Variants in MAGI2 observed in about 807,000 individuals in gnomAD.
MAGI2 encodes membrane associated guanylate kinase, WW and PDZ domain containing 2, also known as membrane-associated guanylate kinase, WW and PDZ domain-containing protein 2.
A neutral mutation model predicts 133.3 loss-of-function variants in MAGI2; 35 were observed. That is an observed-to-expected ratio of 0.26 (90% CI 0.20 to 0.35). MAGI2 has a LOEUF of 0.35. Among genes scored for constraint, MAGI2 ranks in the 10% least tolerant of loss-of-function variants. The probability of loss-of-function intolerance (pLI) is 1.00; values close to 1 mark genes in which losing one functional copy is unlikely to be tolerated. For synonymous variants in MAGI2, 729 were observed against 710.6 expected, an observed-to-expected ratio of 1.03 and a Z score of -0.41; for missense variants, 1,636 against 1,863.4, an observed-to-expected ratio of 0.88 and a Z score of 2.25.
chr7:79,095,048 G>A (rs796989359), intron 1 of MAGI2, among the ~76,000 whole-genome samples: 7 of 152,136 alleles, frequency 4.6e-5, no homozygotes, highest in Non-Finnish European at 1.0e-4. Flanking sequence ...CTCTAGATAG[G>A]AAAGTCCTAG....
At chr7:78,310,361 G>A (rs1798600376) in intron 9 of MAGI2, among the ~76,000 whole-genome samples, 1 of 152,178 alleles carries the variant, frequency 6.6e-6, no homozygotes, top group Non-Finnish European at 1.5e-5. Flanking sequence ...CTTGAACCCG[G>A]CAGGCGGGGG....
chr7:78,628,542 A>C (rs1042558695), intron 2 of MAGI2, among the ~76,000 whole-genome samples: 4 of 152,074 alleles, frequency 2.6e-5, no homozygotes, highest in Non-Finnish European at 5.9e-5. Context: ...TGCCAGGGAA[A>C]TTTGATTTTG....
chr7:78,279,698 A>G (rs2151007560), intron 9 of MAGI2, among the ~76,000 whole-genome samples: 1 of 152,118 alleles, frequency 6.6e-6, no homozygotes, highest in South Asian at 2.1e-4. Context: ...TGGGATATAT[A>G]CATGTCTGTG....
chr7:79,080,648 T>A (rs1815956868), intron 1 of MAGI2, among the ~76,000 whole-genome samples: 2 of 152,150 alleles, frequency 1.3e-5, no homozygotes. Flanking sequence ...TATATTCTAA[T>A]GGGTGTGGAG....
intron 2 of MAGI2, among the ~76,000 whole-genome samples, chr7:78,784,572 G>A (rs1439022791): frequency 2.0e-5 from 3 of 152,270 alleles, no homozygotes; most frequent in East Asian, 1.9e-4. Context: ...CCCTGATTCC[G>A]AAGGGTGCTG....
chr7:78,247,689 G>A (rs561738511), intron 10 of MAGI2, among the ~76,000 whole-genome samples: 7 of 152,092 alleles, frequency 4.6e-5, no homozygotes, highest in Admixed American at 2.6e-4. Flanking sequence ...TAGCAGACTA[G>A]ATTAAGCAGA....
At chr7:78,823,934 C>CA (rs1222574976) in intron 2 of MAGI2, among the ~76,000 whole-genome samples, 4 of 151,422 alleles carry the variant, frequency 2.6e-5, no homozygotes, top group African/African-American at 9.7e-5. Context: ...CACACACACA[C>CA]AAAATGCATT....
chr7:78,856,172 A>T (rs532994814), intron 2 of MAGI2, among the ~76,000 whole-genome samples: 3 of 152,212 alleles, frequency 2.0e-5, no homozygotes, highest in Admixed American at 6.5e-5. Flanking sequence ...AGATGGGTAG[A>T]TTGAAAAATT....
At chr7:79,343,972 G>A (rs1427779266) in intron 1 of MAGI2, among the ~76,000 whole-genome samples, 1 of 152,126 alleles carries the variant, frequency 6.6e-6, no homozygotes, top group African/African-American at 2.4e-5. Flanking sequence ...TATAGACTTT[G>A]AAATTGTGGA....
chr7:78,781,817 T>G (rs1446581484), intron 2 of MAGI2, among the ~76,000 whole-genome samples: 11 of 152,110 alleles, frequency 7.2e-5, no homozygotes, highest in Admixed American at 6.5e-4. Flanking sequence ...ATTAGCGAGG[T>G]AGGCACTGGA....
chr7:78,530,591 C>T (rs62468581), intron 3 of MAGI2, among the ~76,000 whole-genome samples: 11,089 of 152,176 alleles, frequency 0.073, 522 homozygotes, highest in Non-Finnish European at 0.11. Flanking sequence ...ACAGACAATA[C>T]TCATAGTTAT....
chr7:79,158,528 GA>G (rs1200058021), intron 1 of MAGI2, among the ~76,000 whole-genome samples: 1 of 152,002 alleles, frequency 6.6e-6, no homozygotes, highest in Non-Finnish European at 1.5e-5. Flanking sequence ...TATTCCTGCA[GA>G]ATACTATAAG....
At chr7:78,741,376 AACACACACACACACACACACACACACAC>A (rs55784786) in intron 2 of MAGI2, among the ~76,000 whole-genome samples, 4 of 117,482 alleles carry the variant, frequency 3.4e-5, no homozygotes, top group East Asian at 2.5e-4. Context: ...AAAAAGTTGA[AACACACACACACACACACACACACACAC>A]ACACACACAC....
intron 10 of MAGI2, among the ~76,000 whole-genome samples, chr7:78,239,687 A>C (rs1790929054): frequency 6.6e-6 from 1 of 152,244 alleles, no homozygotes; most frequent in African/African-American, 2.4e-5. Context: ...AGGGAAATGC[A>C]AATCAAAACC....
At chr7:78,544,717 G>A (rs910446866) in intron 3 of MAGI2, among the ~76,000 whole-genome samples, 1 of 152,064 alleles carries the variant, frequency 6.6e-6, no homozygotes, top group African/African-American at 2.4e-5. Context: ...AGGTGACTCA[G>A]TCACTCAATA....
chr7:78,973,217 A>C (rs1444160543), intron 2 of MAGI2, among the ~76,000 whole-genome samples: 8 of 151,888 alleles, frequency 5.3e-5, no homozygotes, highest in Non-Finnish European at 1.2e-4. Flanking sequence ...TCCATTTTCA[A>C]AGCACACAAT....
chr7:78,494,676 T>C (rs768363924), intron 5 of MAGI2, among the ~76,000 whole-genome samples: 56 of 152,340 alleles, frequency 3.7e-4, no homozygotes, highest in Non-Finnish European at 4.7e-4. Context: ...CAGAGCAAAA[T>C]GTTTTCACTG....
chr7:78,079,051 C>A lies in MAGI2; in HGVS notation c.3602G>T (p.Ser1201Ile). The A allele has an allele frequency of 6.2e-7, 1 of 1,613,662 alleles. No individual in the cohort carries two copies. Among genetic ancestry groups the A allele is most frequent in the Non-Finnish European group, 8.5e-7 (1 of 1,179,918 alleles). ...TCTGGCATGTGTCATGTCCCTTGTG[C>A]TTTCCCCATTGATTTCAATGATTTG... is the stretch of plus-strand genomic sequence containing the variant. ...GDQIIEINGE[S>I]TRDMTHARAI... Residue 1201 changes from serine to isoleucine, a missense_variant, in exon 21 of 22, where the codon AGC becomes ATC. By Grantham distance (142) the Ser-to-Ile change is moderately radical (BLOSUM62 -2). Transcript: ENST00000354212.
intron 6 of MAGI2, among the ~76,000 whole-genome samples, chr7:78,432,803 T>TA (rs941127936): frequency 5.3e-5 from 8 of 151,932 alleles, no homozygotes; most frequent in Non-Finnish European, 1.0e-4. Context: ...TAGCTCATAT[T>TA]AAAAAAAAGA....
Sources: allele counts gnomAD v4.1 joint callset (sites outside exome capture counted in the v4.1 genomes callset), GRCh38; gene constraint gnomAD v4.1.1; transcripts MANE v1.5; gene names NCBI Gene and HGNC (gene_info 2026-07-23, HGNC 2026-07-21).